The following ZSCAN25 variants were observed in gnomAD, a reference collection of about 807,000 sequenced individuals.
The protein encoded by ZSCAN25 is zinc finger and SCAN domain containing 25, also known as zinc finger and SCAN domain-containing protein 25.
Under a neutral mutation model 38.7 loss-of-function variants are expected in ZSCAN25, and 27 were observed. The ratio of observed to expected loss-of-function variants is 0.70; its 90% CI spans 0.51 to 0.96. The LOEUF is 0.96. Among genes scored for constraint, ZSCAN25 ranks in the 40% least tolerant of loss-of-function variants. The probability of loss-of-function intolerance (pLI) is 0.00; values close to 1 mark genes in which losing one functional copy is unlikely to be tolerated. For missense variants in ZSCAN25, 637 were observed against 705.9 expected (o/e 0.90, Z 1.11); for synonymous variants, 273 against 277.7 (o/e 0.98, Z 0.17).
At chr7:99,628,413 C>T (rs1274773798) in intron 7 of ZSCAN25, among the ~76,000 whole-genome samples, 1 of 152,066 alleles carries the variant, frequency 6.6e-6, no homozygotes, top group Non-Finnish European at 1.5e-5. Context: ...TTCTCCTCCC[C>T]TTTCTGTTAC....
chr7:99,711,866 A>G, the ZSCAN25 span, among the ~76,000 whole-genome samples: 1 of 152,180 alleles, frequency 6.6e-6, no homozygotes, highest in African/African-American at 2.4e-5. Context: ...ATTTCACAAG[A>G]TGTGGTAATT....
chr7:99,660,211 C>T, the ZSCAN25 span: 2 of 796,376 alleles, frequency 2.5e-6, no homozygotes, highest in Non-Finnish European at 3.0e-6. Context: ...TCTCGCCACA[C>T]TCCTTTTTTT....
downstream of ZSCAN25, among the ~76,000 whole-genome samples, chr7:99,637,373 A>G (rs1254376922): frequency 6.6e-6 from 1 of 152,162 alleles, no homozygotes. Context: ...TATTGCTCCA[A>G]TTTCTGGGAA....
the ZSCAN25 span, among the ~76,000 whole-genome samples, chr7:99,683,787 CCCTA>C: frequency 9.9e-5 from 15 of 152,138 alleles, no homozygotes; most frequent in Non-Finnish European, 1.8e-4. Context: ...TTGATCCTCA[CCCTA>C]CTAGGTCTCT....
chr7:99,714,063 T>C, the ZSCAN25 span, among the ~76,000 whole-genome samples: 1 of 152,330 alleles, frequency 6.6e-6, no homozygotes, highest in Non-Finnish European at 1.5e-5. Flanking sequence ...AGAAGACCTC[T>C]GTTCACTCGA....
At chr7:99,712,198 A>G in the ZSCAN25 span, among the ~76,000 whole-genome samples, 1 of 152,194 alleles carries the variant, frequency 6.6e-6, no homozygotes, top group African/African-American at 2.4e-5. Context: ...GCCTGTTCCA[A>G]CCATGTAACT....
rs1297579407 is a variant in ZSCAN25, at chr7:99,630,031, T to G, written c.*11T>G. 3 of 1,508,852 alleles carry G rather than the reference T, an allele frequency of 2.0e-6. No homozygotes were observed. Among genetic ancestry groups the G allele is most frequent in the Non-Finnish European group, 8.9e-7 (1 of 1,127,832 alleles). 93.5% of individuals were successfully genotyped at this position (1,508,852 alleles called of 1,614,324 possible). On this transcript the variant is annotated 3_prime_UTR_variant, in exon 8 of 8. Transcript: ENST00000394152. ...CCGCTGGTGCAGTGAGCATAGCAGG[T>G]GGCAGGCAGCACCATCATTCATCTT... is the stretch of plus-strand genomic sequence containing the variant.
chr7:99,666,630 T>C, the ZSCAN25 span: 3 of 1,613,942 alleles, frequency 1.9e-6, no homozygotes, highest in Non-Finnish European at 2.5e-6. Context: ...TGCCTTTCTC[T>C]GCTTCCCGCC....
chr7:99,632,018 G>A lies in ZSCAN25; in HGVS notation c.*1998G>A. On this transcript the variant is annotated 3_prime_UTR_variant, in exon 8 of 8. Coordinates refer to ENST00000394152, the MANE Select transcript of ZSCAN25 (RefSeq NM_145115.3). ...GTTTTCCAAAGGCAGGTGGGGACTGGGGAGGCCTCGGGGGGCTGCTTGTCA... is the reference window on the plus strand; with the variant it reads ...GTTTTCCAAAGGCAGGTGGGGACTGAGGAGGCCTCGGGGGGCTGCTTGTCA... 2.0e-6 allele frequency: 2 copies of A among 985,490 alleles called. No individual in the cohort carries two copies. Among genetic ancestry groups the A allele is most frequent in the Non-Finnish European group, 2.4e-6 (2 of 829,978 alleles). 61.0% of individuals were successfully genotyped at this position (985,490 alleles called of 1,614,324 possible).
chr7:99,721,306 T>TA, the ZSCAN25 span, among the ~76,000 whole-genome samples: 4 of 152,036 alleles, frequency 2.6e-5, no homozygotes, highest in Non-Finnish European at 4.4e-5. Context: ...ATAGAAAGTT[T>TA]AAAAAAAAGA....
At chr7:99,621,288 G>A in intron 4 of ZSCAN25, 85 bp from the exon 5 acceptor site, 2 of 1,210,668 alleles carry the variant, frequency 1.7e-6, no homozygotes, top group Non-Finnish European at 2.2e-6. Flanking sequence ...TCTTTTCTTG[G>A]TTCTCTTTTT....
chr7:99,642,651 G>A, the ZSCAN25 span, among the ~76,000 whole-genome samples: 1 of 152,170 alleles, frequency 6.6e-6, no homozygotes, highest in Non-Finnish European at 1.5e-5. Context: ...CCCTTCTACA[G>A]TAGCACTCCC....
the ZSCAN25 span, among the ~76,000 whole-genome samples, chr7:99,725,406 G>A: frequency 1.3e-5 from 2 of 152,180 alleles, no homozygotes; most frequent in African/African-American, 4.8e-5. Flanking sequence ...AAGTGACAAT[G>A]CATCTCTGAA....
At chr7:99,696,600 A>T in the ZSCAN25 span, among the ~76,000 whole-genome samples, 25 of 151,420 alleles carry the variant, frequency 1.7e-4, no homozygotes, top group African/African-American at 5.8e-4. Context: ...ATTTCCCTGA[A>T]TGACAGTGTG....
chr7:99,732,048 C>T, the ZSCAN25 span, among the ~76,000 whole-genome samples: 32 of 152,238 alleles, frequency 2.1e-4, no homozygotes, highest in African/African-American at 6.0e-4. Flanking sequence ...ACCCAAATCT[C>T]ATGTTGAAAT....
At chr7:99,700,121 C>G in the ZSCAN25 span, 3 of 892,058 alleles carry the variant, frequency 3.4e-6, no homozygotes, top group South Asian at 4.0e-5. Context: ...TGGAGCATCC[C>G]TGCCCTGCAC....
the ZSCAN25 span, chr7:99,660,213 C>CTTTTTTTTTTTTT: frequency 1.5e-6 from 1 of 653,720 alleles, no homozygotes; most frequent in Non-Finnish European, 1.8e-6. Flanking sequence ...TCGCCACACT[C>CTTTTTTTTTTTTT]CTTTTTTTTT....
chr7:99,700,425 C>T, the ZSCAN25 span, among the ~76,000 whole-genome samples: 1 of 152,122 alleles, frequency 6.6e-6, no homozygotes, highest in Admixed American at 6.5e-5. Flanking sequence ...TCCCCACAAG[C>T]CACAACTGCA....
chr7:99,685,473 C>T, the ZSCAN25 span, among the ~76,000 whole-genome samples: 1 of 152,216 alleles, frequency 6.6e-6, no homozygotes, highest in Non-Finnish European at 1.5e-5. Flanking sequence ...ACAAGGGTGA[C>T]ACCACACCAA....
Sources: allele counts gnomAD v4.1 joint callset (sites outside exome capture counted in the v4.1 genomes callset), GRCh38; gene constraint gnomAD v4.1.1; transcripts MANE v1.5; gene names NCBI Gene and HGNC (gene_info 2026-07-23, HGNC 2026-07-21).